CA5A: variants seen among roughly 807,000 people sequenced by gnomAD.
CA5A encodes the protein carbonic anhydrase 5A, also known as carbonic anhydrase 5A, mitochondrial.
In CA5A, 28 loss-of-function variants were observed where a neutral mutation model predicts 37.1. The ratio of observed to expected loss-of-function variants is 0.75; its 90% CI spans 0.56 to 1.03. CA5A has a LOEUF of 1.03. Ranked by LOEUF, CA5A falls within the 50% of genes least tolerant of loss-of-function variation. The pLI is 0.00. For synonymous variants in CA5A, 171 were observed against 158.4 expected (o/e 1.08, Z -0.60); for missense variants, 444 against 399.9 (o/e 1.11, Z -0.94).
At chr16:87,923,600 T>C (rs2056260060) in intron 2 of CA5A, 2 of 985,308 alleles carry the variant, frequency 2.0e-6, no homozygotes, top group African/African-American at 3.5e-5. Flanking sequence ...GTGAGGACAT[T>C]AGCCGGGTGC....
chr16:87,929,453 A>G (rs1454886512), intron 1 of CA5A, among the ~76,000 whole-genome samples: 1 of 100,056 alleles, frequency 1.0e-5, no homozygotes, highest in Non-Finnish European at 2.3e-5. Context: ...TTCGGTCTCA[A>G]AAAAAAAAAA....
chr16:87,926,426 A>T (rs116433669), intron 2 of CA5A, among the ~76,000 whole-genome samples: 56 of 152,200 alleles, frequency 3.7e-4, no homozygotes, highest in African/African-American at 1.3e-3. Flanking sequence ...AAGTGTTCGC[A>T]TTTCAATGAG....
intron 6 of CA5A, among the ~76,000 whole-genome samples, chr16:87,891,073 C>A (rs1190840199): frequency 6.6e-6 from 1 of 150,860 alleles, no homozygotes; most frequent in Non-Finnish European, 1.5e-5. Context: ...AAATTATGGG[C>A]ATGAGCCATG....
intron 6 of CA5A, among the ~76,000 whole-genome samples, chr16:87,889,543 G>T (rs762307628): frequency 6.6e-6 from 1 of 152,040 alleles, no homozygotes; most frequent in African/African-American, 2.4e-5. Context: ...GGAGGCCGAG[G>T]TGGGTGAATC....
intron 2 of CA5A, among the ~76,000 whole-genome samples, chr16:87,910,282 C>T (rs1335072196): frequency 2.6e-5 from 4 of 152,154 alleles, no homozygotes; most frequent in South Asian, 2.1e-4. Context: ...GAGGAGCTGG[C>T]GTTCGCTGGG....
Position 87,926,963 on chromosome 16 carries a change from G to C in CA5A, c.143-18C>G, listed in dbSNP as rs748855271. On this transcript the variant is annotated intron_variant, in intron 1 of 6. Coordinates refer to ENST00000649794, the MANE Select transcript of CA5A (RefSeq NM_001739.2). ...TGGGTGCACTGCAGGGAGAGAGACG[G>C]AGACCCTGAGTGAGGCATGAGCTTC... 6.6e-7 allele frequency: 1 copy of C among 1,505,394 alleles called. No homozygotes were observed. Among genetic ancestry groups the C allele is most frequent in the South Asian group, 1.2e-5 (1 of 84,396 alleles). The allele number at this position is 1,505,394 out of a possible 1,614,324, so 93.3% of individuals were successfully genotyped here.
chr16:87,905,670 T>C (rs1213658291), intron 2 of CA5A, among the ~76,000 whole-genome samples: 3 of 152,192 alleles, frequency 2.0e-5, no homozygotes, highest in Non-Finnish European at 4.4e-5. Context: ...AGCAAGGTCT[T>C]TAAATAAGAA....
At chr16:87,934,789 A>T (rs1003771881) in intron 1 of CA5A, among the ~76,000 whole-genome samples, 1 of 152,032 alleles carries the variant, frequency 6.6e-6, no homozygotes, top group Non-Finnish European at 1.5e-5. Flanking sequence ...GCGAAATCCT[A>T]TCTCTACTAA....
chr16:87,927,600 G>A (rs145985474), intron 1 of CA5A, among the ~76,000 whole-genome samples: 86 of 152,316 alleles, frequency 5.6e-4, no homozygotes, highest in African/African-American at 1.8e-3. Context: ...AGTGGCTCAC[G>A]CCTGTAATCC....
At chr16:87,920,345 C>T (rs532821083) in intron 2 of CA5A, among the ~76,000 whole-genome samples, 49 of 152,368 alleles carry the variant, frequency 3.2e-4, no homozygotes, top group Middle Eastern at 3.4e-3. Context: ...CAATGTCTCG[C>T]TCTGTCGCCC....
At chr16:87,888,564 C>T (rs905299137) in intron 6 of CA5A, among the ~76,000 whole-genome samples, 2 of 152,098 alleles carry the variant, frequency 1.3e-5, no homozygotes, top group Admixed American at 1.3e-4. Flanking sequence ...AGGCTCCCAG[C>T]GAACTGCCAG....
intron 5 of CA5A, among the ~76,000 whole-genome samples, chr16:87,896,570 A>G (rs1247055064): frequency 6.6e-6 from 1 of 152,242 alleles, no homozygotes; most frequent in Non-Finnish European, 1.5e-5. Flanking sequence ...CGGATGGCCC[A>G]GCTACCTGTG....
At chr16:87,936,096 C>T (rs138177446) in intron 1 of CA5A, among the ~76,000 whole-genome samples, 10 of 149,062 alleles carry the variant, frequency 6.7e-5, no homozygotes, top group Admixed American at 5.4e-4. Context: ...CGCTTGAACC[C>T]GGGAAGTGGA....
intron 2 of CA5A, chr16:87,925,595 G>A (rs947640439): frequency 6.6e-6 from 1 of 152,270 alleles, no homozygotes; most frequent in African/African-American, 2.4e-5. Flanking sequence ...CTGGTGCTGG[G>A]AAAACACCAG....
At chr16:87,933,970 G>A (rs1213018714) in intron 1 of CA5A, among the ~76,000 whole-genome samples, 2 of 152,202 alleles carry the variant, frequency 1.3e-5, no homozygotes, top group Non-Finnish European at 2.9e-5. Context: ...GGATTTAGGT[G>A]CCGATACAGA....
intron 5 of CA5A, among the ~76,000 whole-genome samples, chr16:87,901,538 G>A (rs564375281): frequency 2.6e-5 from 4 of 151,886 alleles, no homozygotes; most frequent in African/African-American, 7.2e-5. Context: ...CAAATGAATC[G>A]CTGCACTAAA....
At chr16:87,888,644 A>T (rs188151536) in intron 6 of CA5A, among the ~76,000 whole-genome samples, 1 of 152,306 alleles carries the variant, frequency 6.6e-6, no homozygotes, top group Admixed American at 6.5e-5. Flanking sequence ...GAGCTTTCAG[A>T]TTGCTACAGT....
At position 87,902,369 on chromosome 16, in the gene CA5A, T is replaced by C. The variant is rs879084490; in HGVS notation, c.555+56A>G. On this transcript the variant is annotated intron_variant, in intron 4 of 6. Coordinates refer to ENST00000649794, the MANE Select transcript of CA5A (RefSeq NM_001739.2). The stretch of plus-strand genomic sequence containing the variant: ...TCCTGTCTCAAAAAAAAAAAAGCAA[T>C]CCTAATGATGGATCACCACTTTCTT... 9 of 986,376 alleles carry C rather than the reference T, an allele frequency of 9.1e-6. No homozygotes were observed. The African/African-American group carries it at 1.5e-4, about 17-fold the overall frequency. The allele number at this position is 986,376 out of a possible 1,614,324, so 61.1% of individuals were successfully genotyped here. A position where few individuals can be genotyped will look rare whatever the true frequency, so the allele number is the denominator to read the frequency against.
chr16:87,905,967 C>G (rs184320170), intron 2 of CA5A, among the ~76,000 whole-genome samples: 1 of 152,236 alleles, frequency 6.6e-6, no homozygotes, highest in Admixed American at 6.5e-5. Flanking sequence ...GCCATTCCCA[C>G]GTCCAGGTAG....
Sources: allele counts gnomAD v4.1 joint callset (sites outside exome capture counted in the v4.1 genomes callset), GRCh38; gene constraint gnomAD v4.1.1; transcripts MANE v1.5; gene names NCBI Gene and HGNC (gene_info 2026-07-23, HGNC 2026-07-21).